The following VPS13B variants were observed in gnomAD, a reference collection of about 807,000 sequenced individuals.
VPS13B encodes vacuolar protein sorting 13 homolog B, also known as intermembrane lipid transfer protein VPS13B.
VPS13B carries 285 observed loss-of-function variants against 426.4 expected under a neutral mutation model. That is an observed-to-expected ratio of 0.67 (90% CI 0.61 to 0.74). The LOEUF (loss-of-function observed/expected upper bound fraction) is 0.74, where lower values mean the gene tolerates loss of function less well. VPS13B is among the 30% of genes least tolerant of loss of function. The pLI is 0.00. For missense variants in VPS13B, 4,537 were observed against 4,782.6 expected, an observed-to-expected ratio of 0.95 and a Z score of 1.51; for synonymous variants, 1,676 against 1,676.4, an observed-to-expected ratio of 1.00 and a Z score of 0.01.
At chr8:99,110,866 C>T (rs1847323570) in intron 5 of VPS13B, among the ~76,000 whole-genome samples, 1 of 151,624 alleles carries the variant, frequency 6.6e-6, no homozygotes, top group Non-Finnish European at 1.5e-5. Flanking sequence ...GTCTCTGATT[C>T]TTCATATATA....
chr8:99,600,584 G>A (rs531191917), intron 33 of VPS13B, among the ~76,000 whole-genome samples: 1 of 152,302 alleles, frequency 6.6e-6, no homozygotes, highest in African/African-American at 2.4e-5. Context: ...ACTAGGCAGG[G>A]AGACCCAGCA....
intron 17 of VPS13B, among the ~76,000 whole-genome samples, chr8:99,230,152 T>C (rs899462534): frequency 6.6e-6 from 1 of 152,226 alleles, no homozygotes; most frequent in Non-Finnish European, 1.5e-5. Context: ...GTTGGGTATA[T>C]AGAACTTATT....
At position 99,096,423 on chromosome 8, in the gene VPS13B, T is replaced by G. The variant is rs1465221442; in HGVS notation, c.403T>G (p.Leu135Val). ...MQQAAPTDPD[L>V]PPGYVQSLIR... is the part of the protein sequence containing the mutation. Reference sequence around the variant, plus strand: ...GCAGGCTGCTCCTACAGATCCTGACTTACCACCAGGTAACTTCTAATGGGA... The same window carrying G: ...GCAGGCTGCTCCTACAGATCCTGACGTACCACCAGGTAACTTCTAATGGGA... The change falls in exon 4 of 62, where the codon TTA (leucine) becomes GTA (valine). Residue 135 changes from leucine to valine, a missense_variant. Leu to Val is a conservative substitution (Grantham distance 32, BLOSUM62 1). Transcript: ENST00000357162. The G allele has an allele frequency of 1.2e-6, 2 of 1,614,040 alleles. No homozygotes were observed. The highest frequency in any genetic ancestry group is 1.7e-6 in the Non-Finnish European group (2 of 1,179,940).
intron 4 of VPS13B, among the ~76,000 whole-genome samples, chr8:99,101,446 A>C (rs1212580698): frequency 2.6e-5 from 4 of 152,122 alleles, no homozygotes; most frequent in South Asian, 2.1e-4. Context: ...TTTTGTTTTT[A>C]AAATCTGCAT....
chr8:99,823,786 T>C (rs1423269501), intron 50 of VPS13B, 46 bp from the exon 51 acceptor site: 7 of 1,584,214 alleles, frequency 4.4e-6, no homozygotes, highest in Admixed American at 1.7e-5. Flanking sequence ...GATTTTGATA[T>C]GCCTTACAGT....
intron 39 of VPS13B, among the ~76,000 whole-genome samples, chr8:99,743,372 A>C (rs1256665312): frequency 6.6e-6 from 1 of 151,900 alleles, no homozygotes; most frequent in Non-Finnish European, 1.5e-5. Flanking sequence ...AGGAAGAATC[A>C]ATATCGTGAA....
At chr8:99,410,535 ATTATTTATTTATTTAT>A (rs202087477) in intron 21 of VPS13B, among the ~76,000 whole-genome samples, 39 of 149,064 alleles carry the variant, frequency 2.6e-4, no homozygotes, top group African/African-American at 8.4e-4. Context: ...TGTTACCAGA[ATTATTTATTTATTTAT>A]TTATTTATTT....
At chr8:99,384,109 G>C (rs1813985069) in intron 19 of VPS13B, 99 bp from the exon 20 acceptor site, 3 of 980,566 alleles carry the variant, frequency 3.1e-6, no homozygotes, top group East Asian at 4.8e-5. Flanking sequence ...GTTACTGTTT[G>C]TCTGTTATGT....
At chr8:99,594,702 G>C (rs1826903443) in intron 33 of VPS13B, among the ~76,000 whole-genome samples, 2 of 151,922 alleles carry the variant, frequency 1.3e-5, no homozygotes, top group African/African-American at 4.8e-5. Flanking sequence ...AACACAGTTT[G>C]CTCCAGCAGC....
chr8:99,547,305 G>A (rs1824036023), intron 30 of VPS13B, among the ~76,000 whole-genome samples: 1 of 150,986 alleles, frequency 6.6e-6, no homozygotes, highest in South Asian at 2.1e-4. Context: ...ATTTGTTTCA[G>A]TCTGACAGAC....
intron 21 of VPS13B, chr8:99,429,626 G>C (rs1398039394): frequency 6.6e-6 from 1 of 151,924 alleles, no homozygotes; most frequent in Middle Eastern, 3.2e-3. Context: ...GCTTTCTCTT[G>C]TACTATACAT....
At chr8:99,050,423 C>A (rs1212586215) in intron 3 of VPS13B, among the ~76,000 whole-genome samples, 2 of 152,120 alleles carry the variant, frequency 1.3e-5, no homozygotes, top group Non-Finnish European at 2.9e-5. Flanking sequence ...TTTTCTTAAT[C>A]CAGTCTATCA....
chr8:99,701,955 TA>T (rs1342717658), intron 36 of VPS13B, among the ~76,000 whole-genome samples: 3 of 152,162 alleles, frequency 2.0e-5, no homozygotes, highest in East Asian at 1.9e-4. Flanking sequence ...GATTGCCACA[TA>T]TTTTTTTCAA....
intron 33 of VPS13B, among the ~76,000 whole-genome samples, chr8:99,582,953 C>T (rs957268123): frequency 1.1e-4 from 17 of 152,210 alleles, no homozygotes; most frequent in African/African-American, 3.6e-4. Context: ...CTGCGCCTGG[C>T]CACTCATTGC....
chr8:99,847,204 G>T (rs1816029331), intron 54 of VPS13B, among the ~76,000 whole-genome samples: 1 of 152,116 alleles, frequency 6.6e-6, no homozygotes, highest in Non-Finnish European at 1.5e-5. Context: ...TTTTGAAAAA[G>T]ATATTTTTGC....
chr8:99,714,064 A>G (rs190929445), intron 36 of VPS13B, among the ~76,000 whole-genome samples: 1 of 149,586 alleles, frequency 6.7e-6, no homozygotes, highest in East Asian at 2.0e-4. Flanking sequence ...GCTGGAACCC[A>G]GGAGGCAGAG....
intron 54 of VPS13B, among the ~76,000 whole-genome samples, chr8:99,844,398 T>C (rs1815870170): frequency 6.7e-6 from 1 of 149,752 alleles, no homozygotes; most frequent in Non-Finnish European, 1.5e-5. Flanking sequence ...AGTTTCACTC[T>C]TGTTGCTCAG....
At chr8:99,127,318 C>T (rs1848227992) in intron 8 of VPS13B, among the ~76,000 whole-genome samples, 2 of 152,100 alleles carry the variant, frequency 1.3e-5, no homozygotes, top group South Asian at 2.1e-4. Context: ...TGTGTCTCCA[C>T]TTTTCACTTT....
chr8:99,516,599 G>A (rs781386659), intron 29 of VPS13B, among the ~76,000 whole-genome samples: 1 of 151,374 alleles, frequency 6.6e-6, no homozygotes, highest in African/African-American at 2.4e-5. Context: ...GACTAGCCTG[G>A]GCTACATGGC....
Sources: gnomAD v4.1 joint callset for allele counts (sites outside exome capture counted in the v4.1 genomes callset) on GRCh38, gnomAD v4.1.1 for gene constraint, MANE v1.5 for transcripts, NCBI Gene and HGNC (gene_info 2026-07-23, HGNC 2026-07-21) for gene names.